Variants in PTGER3 observed in about 807,000 individuals in gnomAD.
PTGER3 encodes the protein prostaglandin E2 receptor EP3 subtype.
PTGER3 carries 22 observed loss-of-function variants against 34.7 expected under a neutral mutation model. The observed-to-expected ratio is 0.63, with a 90% confidence interval of 0.45 to 0.91. The LOEUF (loss-of-function observed/expected upper bound fraction) is 0.91, where lower values mean the gene tolerates loss of function less well. Ranked by LOEUF, PTGER3 falls within the 40% of genes least tolerant of loss-of-function variation. PTGER3 has a pLI of 0.00. For synonymous variants in PTGER3, 241 were observed against 230.1 expected, an observed-to-expected ratio of 1.05 and a Z score of -0.43; for missense variants, 468 against 519.4, an observed-to-expected ratio of 0.90 and a Z score of 0.96.
At chr1:70,904,843 A>G (rs1159658561) in intron 4 of PTGER3, among the ~76,000 whole-genome samples, 1 of 152,176 alleles carries the variant, frequency 6.6e-6, no homozygotes, top group Non-Finnish European at 1.5e-5. Flanking sequence ...AAATTTGTAT[A>G]AGTAGTGAGG....
intron 4 of PTGER3, among the ~76,000 whole-genome samples, chr1:70,913,230 T>C (rs541502757): frequency 6.6e-6 from 1 of 152,096 alleles, no homozygotes; most frequent in South Asian, 2.1e-4. Flanking sequence ...AATTTATTCC[T>C]ATTAATATTT....
At chr1:71,030,437 C>T (rs1012416696) in intron 1 of PTGER3, among the ~76,000 whole-genome samples, 1 of 152,112 alleles carries the variant, frequency 6.6e-6, no homozygotes, top group East Asian at 1.9e-4. Flanking sequence ...AACACTTTCC[C>T]ACCAAGCAAA....
At chr1:71,028,353 G>A (rs1256862811) in intron 1 of PTGER3, among the ~76,000 whole-genome samples, 1 of 152,180 alleles carries the variant, frequency 6.6e-6, no homozygotes, top group Non-Finnish European at 1.5e-5. Flanking sequence ...AGCCAAGACT[G>A]TACTGCGAAA....
downstream of PTGER3, among the ~76,000 whole-genome samples, chr1:70,950,363 ATAAACAGACTCT>A (rs1371797853): frequency 6.6e-6 from 1 of 152,208 alleles, no homozygotes; most frequent in Non-Finnish European, 1.5e-5. Flanking sequence ...TTCCTTTAAA[ATAAACAGACTCT>A]AAAATAATTC....
intron 4 of PTGER3, among the ~76,000 whole-genome samples, chr1:70,880,528 A>G (rs1419767035): frequency 6.6e-6 from 1 of 151,670 alleles, no homozygotes; most frequent in Non-Finnish European, 1.5e-5. Context: ...CATCTCTACT[A>G]AAAATAAAAA....
intron 2 of PTGER3, among the ~76,000 whole-genome samples, chr1:70,988,743 A>G (rs1467210490): frequency 6.6e-6 from 1 of 152,106 alleles, no homozygotes; most frequent in Non-Finnish European, 1.5e-5. Flanking sequence ...TCATTGTTTT[A>G]TTTATTTTTT....
At chr1:70,910,925 T>C (rs976803682) in intron 4 of PTGER3, among the ~76,000 whole-genome samples, 1 of 151,584 alleles carries the variant, frequency 6.6e-6, no homozygotes, top group Admixed American at 6.6e-5. Context: ...TACTAAAAAA[T>C]ACAAAAATTA....
intron 4 of PTGER3, among the ~76,000 whole-genome samples, chr1:70,916,845 T>A (rs1339528658): frequency 3.3e-5 from 5 of 151,834 alleles, no homozygotes; most frequent in African/African-American, 1.2e-4. Flanking sequence ...AAGTTGAAAA[T>A]TTTTTTTAAA....
chr1:70,977,273 T>C (rs1370984574), intron 2 of PTGER3, among the ~76,000 whole-genome samples: 1 of 152,106 alleles, frequency 6.6e-6, no homozygotes, highest in Non-Finnish European at 1.5e-5. Flanking sequence ...CCTTCTGCTA[T>C]GGCTCATTTG....
At chr1:71,027,617 G>A (rs74090213) in intron 1 of PTGER3, among the ~76,000 whole-genome samples, 1,917 of 152,122 alleles carry the variant, frequency 0.013, 49 homozygotes, top group African/African-American at 0.043. Context: ...TAGTCCCCCC[G>A]GTTAAAACAA....
chr1:70,923,045 T>C (rs1647701811), intron 4 of PTGER3, among the ~76,000 whole-genome samples: 1 of 152,186 alleles, frequency 6.6e-6, no homozygotes, highest in Admixed American at 6.5e-5. Flanking sequence ...AAATCTTACC[T>C]ATGGTCAAAC....
intron 4 of PTGER3, among the ~76,000 whole-genome samples, chr1:70,945,520 T>G (rs1233332665): frequency 6.6e-6 from 1 of 152,092 alleles, no homozygotes; most frequent in African/African-American, 2.4e-5. Context: ...TTATACAACC[T>G]AATAGGACTT....
intron 1 of PTGER3, among the ~76,000 whole-genome samples, chr1:71,024,705 C>T (rs1373866942): frequency 6.8e-6 from 1 of 147,154 alleles, no homozygotes; most frequent in Non-Finnish European, 1.5e-5. Flanking sequence ...CAGGTGCCCG[C>T]CACCGTGCAT....
At chr1:70,974,957 TTCA>T (rs1653535041) in intron 2 of PTGER3, among the ~76,000 whole-genome samples, 1 of 152,164 alleles carries the variant, frequency 6.6e-6, no homozygotes, top group Non-Finnish European at 1.5e-5. Flanking sequence ...CTTCCATTTC[TTCA>T]TCACCTGGCT....
At chr1:71,011,912 C>T in intron 2 of PTGER3, 1 of 1,151,254 alleles carries the variant, frequency 8.7e-7, no homozygotes. Context: ...TTAACTATCC[C>T]CGCTCCCCAA....
At chr1:70,978,999 T>C (rs550619558) in intron 2 of PTGER3, among the ~76,000 whole-genome samples, 3 of 152,152 alleles carry the variant, frequency 2.0e-5, no homozygotes, top group Non-Finnish European at 4.4e-5. Flanking sequence ...GTAGATTTAA[T>C]CCACGCATAA....
At chr1:71,019,649 C>A (rs1200288033) in intron 1 of PTGER3, among the ~76,000 whole-genome samples, 2 of 152,184 alleles carry the variant, frequency 1.3e-5, no homozygotes, top group Admixed American at 1.3e-4. Flanking sequence ...ATCAGGGAGG[C>A]TGTCTTTAAT....
At chr1:70,972,054 G>A (rs941234000) in intron 3 of PTGER3, among the ~76,000 whole-genome samples, 2 of 152,118 alleles carry the variant, frequency 1.3e-5, no homozygotes, top group African/African-American at 2.4e-5. Context: ...TAGGCCAGAC[G>A]CGGTGGTTCA....
downstream of PTGER3, among the ~76,000 whole-genome samples, chr1:70,967,368 T>C (rs557709330): frequency 9.2e-5 from 14 of 152,250 alleles, no homozygotes. Context: ...AGGTTCTCTG[T>C]AGGTGCTTTA....
Sources: allele counts gnomAD v4.1 joint callset (sites outside exome capture counted in the v4.1 genomes callset), GRCh38; gene constraint gnomAD v4.1.1; transcripts MANE v1.5; gene names NCBI Gene and HGNC (gene_info 2026-07-23, HGNC 2026-07-21).